CTNNA1: variants seen among roughly 807,000 people sequenced by gnomAD.
CTNNA1 encodes catenin alpha-1.
Under a neutral mutation model 98.4 loss-of-function variants are expected in CTNNA1, and 37 were observed. The observed-to-expected ratio is 0.38, with a 90% confidence interval of 0.29 to 0.49. The LOEUF is 0.49. Among genes scored for constraint, CTNNA1 ranks in the 20% least tolerant of loss-of-function variants. The probability of loss-of-function intolerance (pLI) is 0.95; values close to 1 mark genes in which losing one functional copy is unlikely to be tolerated. For missense variants in CTNNA1, 761 were observed against 1,147.2 expected, an observed-to-expected ratio of 0.66 and a Z score of 4.86; for synonymous variants, 404 against 413.2, an observed-to-expected ratio of 0.98 and a Z score of 0.27.
intron 8 of CTNNA1, among the ~76,000 whole-genome samples, chr5:138,887,185 G>C (rs1465050451): frequency 3.3e-5 from 5 of 152,012 alleles, no homozygotes; most frequent in Non-Finnish European, 7.4e-5. Context: ...TTTCAGTTCA[G>C]CTTTTGTATT....
intron 7 of CTNNA1, among the ~76,000 whole-genome samples, chr5:138,882,419 T>C (rs1313532693): frequency 6.6e-6 from 1 of 152,140 alleles, no homozygotes; most frequent in African/African-American, 2.4e-5. Context: ...CCAGGTTCCA[T>C]AGGGAGAATG....
intron 3 of CTNNA1, among the ~76,000 whole-genome samples, chr5:138,793,950 C>G (rs1350524462): frequency 6.7e-6 from 1 of 150,318 alleles, no homozygotes; most frequent in African/African-American, 2.5e-5. Context: ...TAGGCTTGCT[C>G]TGATTCAGAT....
At chr5:138,850,549 A>G (rs1763095474) in intron 7 of CTNNA1, among the ~76,000 whole-genome samples, 1 of 152,220 alleles carries the variant, frequency 6.6e-6, no homozygotes, top group Non-Finnish European at 1.5e-5. Flanking sequence ...GGCATTTACC[A>G]TCTTCTTTCA....
At chr5:138,759,103 A>G (rs1033804546) in intron 1 of CTNNA1, among the ~76,000 whole-genome samples, 1 of 152,180 alleles carries the variant, frequency 6.6e-6, no homozygotes, top group Non-Finnish European at 1.5e-5. Context: ...GTGCCCAGCA[A>G]CTGGGACAGT....
intron 6 of CTNNA1, among the ~76,000 whole-genome samples, chr5:138,826,472 T>C (rs568826841): frequency 6.6e-6 from 1 of 152,288 alleles, no homozygotes; most frequent in South Asian, 2.1e-4. Context: ...TATAGCTTAC[T>C]TGTGACCAGA....
In CTNNA1 at chr5:138,905,111, A is replaced by AAAATACATACATAC. The variant is rs1554105203; in HGVS notation, c.1389+671_1389+672insAATACATACATACA. On this transcript the variant is annotated intron_variant, in intron 10 of 17. Transcript: ENST00000302763. ...TCCGTCTCAAAAAAAAAAAAAAAAA[A>AAAATACATACATAC]ATACATACATACATACATAAATACA... 5.2e-4 allele frequency among the ~76,000 whole-genome samples: 73 copies of AAAATACATACATAC among 139,298 alleles called. 1 individual carries two copies. The highest frequency in any genetic ancestry group is 1.9e-3 in the African/African-American group (67 of 34,602). The allele number at this position is 139,298 out of a possible 152,430, so 91.4% of individuals were successfully genotyped here. A position where few individuals can be genotyped will look rare whatever the true frequency, so the allele number is the denominator to read the frequency against.
chr5:138,777,988 CTTTTTTTTT>C (rs777826985), intron 1 of CTNNA1, among the ~76,000 whole-genome samples: 1 of 14,858 alleles, frequency 6.7e-5, no homozygotes, highest in East Asian at 6.8e-3. Flanking sequence ...CTTAATCTGT[CTTTTTTTTT>C]TTTTTTTTTT....
At chr5:138,929,659 T>C (rs1764885623) in intron 14 of CTNNA1, among the ~76,000 whole-genome samples, 1 of 152,170 alleles carries the variant, frequency 6.6e-6, no homozygotes, top group Admixed American at 6.5e-5. Flanking sequence ...GATCGTGAAA[T>C]TTGAAAAAGA....
chr5:138,932,898 C>T (rs748484235), intron 17 of CTNNA1, 186 bp downstream of exon 17: 5 of 829,526 alleles, frequency 6.0e-6, no homozygotes, highest in Admixed American at 3.4e-5. Flanking sequence ...AACTGTGACA[C>T]CTGCGGGGCA....
chr5:138,916,720 C>A (rs1024673927), intron 10 of CTNNA1, among the ~76,000 whole-genome samples: 1 of 151,168 alleles, frequency 6.6e-6, no homozygotes, highest in African/African-American at 2.4e-5. Context: ...GATGGGGTCT[C>A]ACTATGTTAT....
intron 7 of CTNNA1, chr5:138,869,184 A>AC (rs1057304596): frequency 1.3e-5 from 2 of 151,892 alleles, no homozygotes; most frequent in African/African-American, 4.8e-5. Context: ...AAAAAAAAAA[A>AC]AAAAAACCGC....
At chr5:138,924,862 C>G in intron 12 of CTNNA1, 152 bp downstream of exon 12, 1 of 681,700 alleles carries the variant, frequency 1.5e-6, no homozygotes, top group South Asian at 1.9e-5. Flanking sequence ...CTGGTCATAG[C>G]CAAATTCAGG....
intron 9 of CTNNA1, among the ~76,000 whole-genome samples, chr5:138,902,715 G>C (rs1267586191): frequency 2.6e-5 from 4 of 152,114 alleles, no homozygotes; most frequent in African/African-American, 9.7e-5. Context: ...CACCGTGCCC[G>C]GTACACCAGC....
intron 7 of CTNNA1, chr5:138,828,163 C>T (rs1363614601): frequency 6.2e-6 from 1 of 162,166 alleles, no homozygotes; most frequent in Non-Finnish European, 1.4e-5. Context: ...TTCATTATCC[C>T]AAGTAGGTGG....
At position 138,763,336 on chromosome 5, in the gene CTNNA1, C is replaced by CT. The variant is rs1393678370; in HGVS notation, c.-3+9829dup. On this transcript the variant is annotated intron_variant, in intron 1 of 17. Coordinates refer to ENST00000302763, the MANE Select transcript of CTNNA1 (RefSeq NM_001903.5). The stretch of plus-strand genomic sequence containing the variant: ...CCTGTGCGGCTCTGTTACATGCATT[C>CT]TTTCTAGGCAAAGATGCATTGTTAC... Among the ~76,000 whole-genome samples the CT allele has an allele frequency of 3.3e-5, 5 of 152,284 alleles. No homozygotes were observed. In the East Asian group the frequency reaches 9.6e-4, roughly 29 times the overall value.
chr5:138,816,899 A>T (rs1441611448), intron 5 of CTNNA1, among the ~76,000 whole-genome samples: 1 of 152,126 alleles, frequency 6.6e-6, no homozygotes, highest in Non-Finnish European at 1.5e-5. Flanking sequence ...GGTTTTCACC[A>T]TGTTGGCCAG....
At chr5:138,853,149 C>CTT (rs1331116345) in intron 7 of CTNNA1, among the ~76,000 whole-genome samples, 1 of 145,894 alleles carries the variant, frequency 6.9e-6, no homozygotes. Flanking sequence ...TTCATTATTA[C>CTT]TTTTTTTTTT....
At chr5:138,807,389 C>T (rs1437352521) in intron 3 of CTNNA1, among the ~76,000 whole-genome samples, 1 of 151,872 alleles carries the variant, frequency 6.6e-6, no homozygotes, top group Non-Finnish European at 1.5e-5. Flanking sequence ...CCTTCCTCTC[C>T]TTTGAGGGAT....
chr5:138,893,260 T>G (rs1472724835), intron 9 of CTNNA1, among the ~76,000 whole-genome samples: 1 of 152,114 alleles, frequency 6.6e-6, no homozygotes, highest in African/African-American at 2.4e-5. Flanking sequence ...CAGGATGCCT[T>G]CAGCCTTTTG....
Sources: allele counts gnomAD v4.1 joint callset (sites outside exome capture counted in the v4.1 genomes callset), GRCh38; gene constraint gnomAD v4.1.1; transcripts MANE v1.5; gene names NCBI Gene and HGNC (gene_info 2026-07-23, HGNC 2026-07-21).